Variants in SMAD9 observed in about 807,000 individuals in gnomAD.
The protein encoded by SMAD9 is SMAD family member 9, also known as MAD homolog 9.
Under a neutral mutation model 46.1 loss-of-function variants are expected in SMAD9, and 36 were observed. That is an observed-to-expected ratio of 0.78 (90% CI 0.60 to 1.03). The LOEUF (loss-of-function observed/expected upper bound fraction) is 1.03. Among genes scored for constraint, SMAD9 ranks in the 50% least tolerant of loss-of-function variants. The probability of loss-of-function intolerance (pLI) is 0.00; values close to 1 mark genes in which losing one functional copy is unlikely to be tolerated. For synonymous variants in SMAD9, 245 were observed against 237.1 expected (o/e 1.03, Z -0.31); for missense variants, 572 against 599.8 (o/e 0.95, Z 0.48).
chr13:36,896,258 G>A lies in SMAD9; in HGVS notation c.-186-16383C>T, dbSNP rs896387434. On this transcript the variant is annotated intron_variant, in intron 1 of 6. Transcript: ENST00000379826. ...AGCAGTCCTCCCACCTCAGCCTCCCGAGTAGCTAGGACTATAGGCACATGC... is the reference window on the plus strand; with the variant it reads ...AGCAGTCCTCCCACCTCAGCCTCCCAAGTAGCTAGGACTATAGGCACATGC... Among the ~76,000 whole-genome samples, 5 of 151,644 alleles carry A rather than the reference G, an allele frequency of 3.3e-5. No individual in the cohort carries two copies. In the South Asian group the frequency reaches 8.4e-4, roughly 25 times the overall value.
chr13:36,913,308 G>C (rs1415514369), intron 1 of SMAD9, among the ~76,000 whole-genome samples: 1 of 152,124 alleles, frequency 6.6e-6, no homozygotes, highest in Non-Finnish European at 1.5e-5. Flanking sequence ...CTGGAGACTA[G>C]GATTTTATTT....
In SMAD9 at chr13:36,872,904, C is replaced by G; in HGVS notation, c.424G>C (p.Val142Leu). 2.5e-6 allele frequency: 4 copies of G among 1,614,118 alleles called. No homozygotes were observed. In the South Asian group the frequency reaches 4.4e-5, roughly 18 times the overall value. ...RRVETPVLPP[V>L]LVPRHSEYNP... ...TATTCACTGTGTCTTGGCACGAGCA[C>G]AGGAGGCAGTACTAGGATCAGAAAG... The change falls in exon 3 of 7, where the codon GTG becomes CTG. Residue 142 changes from valine to leucine, a missense_variant. Coordinates refer to ENST00000379826, the MANE Select transcript of SMAD9 (RefSeq NM_001127217.3).
At chr13:36,902,619 A>G (rs1263786327) in intron 1 of SMAD9, among the ~76,000 whole-genome samples, 1 of 151,666 alleles carries the variant, frequency 6.6e-6, no homozygotes, top group Non-Finnish European at 1.5e-5. Context: ...ACGCCCATCT[A>G]ATTTTTTTTT....
intron 1 of SMAD9, among the ~76,000 whole-genome samples, chr13:36,908,208 A>T (rs1186200185): frequency 6.6e-6 from 1 of 152,214 alleles, no homozygotes; most frequent in Non-Finnish European, 1.5e-5. Context: ...TTTTAATGAG[A>T]TCTGTTTTCT....
intron 1 of SMAD9, among the ~76,000 whole-genome samples, chr13:36,912,733 C>T (rs1160004424): frequency 6.6e-6 from 1 of 152,196 alleles, no homozygotes; most frequent in East Asian, 1.9e-4. Context: ...TAAGGACTTA[C>T]TGAAAGAATC....
rs1416803009 is a variant in SMAD9 at position 36,846,333 on chromosome 13, T to C, written c.*2343A>G. 3 of 151,394 alleles carry C rather than the reference T, an allele frequency of 2.0e-5. No homozygotes were observed. Among genetic ancestry groups the C allele is most frequent in the African/African-American group, 7.3e-5 (3 of 41,206 alleles). The allele number at this position is 151,394 out of a possible 1,614,324, so 9.4% of individuals were successfully genotyped here. A position where few individuals can be genotyped will look rare whatever the true frequency, so the allele number is the denominator to read the frequency against. ...CCGTCTCTACTAAAAATATAAAAAT[T>C]AGCTGGGCGTGGTAGCCTGTAGTCC... is the stretch of plus-strand genomic sequence containing the variant. On this transcript the variant is annotated 3_prime_UTR_variant, in exon 7 of 7. Transcript: ENST00000379826.
rs983398705 is a variant in SMAD9, at chr13:36,862,006, G to A, written c.1003+3531C>T. 2.6e-5 allele frequency among the ~76,000 whole-genome samples: 4 copies of A among 151,842 alleles called. No individual in the cohort carries two copies. In the South Asian group the frequency reaches 6.3e-4, roughly 24 times the overall value. On this transcript the variant is annotated intron_variant, in intron 5 of 6. Transcript: ENST00000379826. ...AATAGAACAGCCAGGCAATCTTTTC[G>A]AAAGTGTAAAGTCAGATCATATTGT... is the stretch of plus-strand genomic sequence containing the variant.
intron 5 of SMAD9, among the ~76,000 whole-genome samples, chr13:36,860,034 G>A (rs1471327676): frequency 3.3e-5 from 5 of 151,648 alleles, no homozygotes; most frequent in Non-Finnish European, 5.9e-5. Context: ...TGGCTGCTTT[G>A]TCCATGGAGC....
At chr13:36,896,032 A>C (rs1307748811) in intron 1 of SMAD9, among the ~76,000 whole-genome samples, 1 of 152,162 alleles carries the variant, frequency 6.6e-6, no homozygotes, top group Non-Finnish European at 1.5e-5. Context: ...TAAAATGACA[A>C]ATGTAAAAGG....
intron 5 of SMAD9, among the ~76,000 whole-genome samples, chr13:36,861,390 C>T (rs2058180314): frequency 6.6e-6 from 1 of 151,964 alleles, no homozygotes; most frequent in South Asian, 2.1e-4. Flanking sequence ...TCTTGGCTCA[C>T]TGCAACCTCC....
chr13:36,910,435 A>G (rs1171298575), intron 1 of SMAD9, among the ~76,000 whole-genome samples: 1 of 152,072 alleles, frequency 6.6e-6, no homozygotes, highest in African/African-American at 2.4e-5. Context: ...AATGTACACC[A>G]CCAAGAGTGA....
intron 3 of SMAD9, among the ~76,000 whole-genome samples, chr13:36,870,647 C>T (rs2058283410): frequency 6.6e-6 from 1 of 152,182 alleles, no homozygotes; most frequent in Admixed American, 6.5e-5. Flanking sequence ...AGATACAGTC[C>T]GAGACCCCCA....
intron 5 of SMAD9, among the ~76,000 whole-genome samples, chr13:36,860,898 G>T (rs1239460981): frequency 6.6e-6 from 1 of 152,182 alleles, no homozygotes; most frequent in Admixed American, 6.5e-5. Flanking sequence ...ACACTGGAAT[G>T]AGATGTTCCA....
chr13:36,908,378 G>C (rs139903924), intron 1 of SMAD9, among the ~76,000 whole-genome samples: 19 of 152,254 alleles, frequency 1.2e-4, no homozygotes, highest in African/African-American at 4.3e-4. Context: ...ACAACTGTGA[G>C]CATTCTGAAA....
At chr13:36,853,106 G>A (rs2058088250) in intron 6 of SMAD9, among the ~76,000 whole-genome samples, 1 of 152,266 alleles carries the variant, frequency 6.6e-6, no homozygotes, top group Admixed American at 6.5e-5. Flanking sequence ...CCAATATGGT[G>A]AAACCCTGTC....
At chr13:36,865,796 C>A in intron 4 of SMAD9, 38 bp from the exon 5 acceptor site, 1 of 1,512,294 alleles carries the variant, frequency 6.6e-7, no homozygotes, top group South Asian at 1.1e-5. Context: ...TGGCTACTGT[C>A]ATACCTGGGC....
At chr13:36,893,389 CAT>C (rs538703517) in intron 1 of SMAD9, among the ~76,000 whole-genome samples, 9 of 146,214 alleles carry the variant, frequency 6.2e-5, no homozygotes, top group East Asian at 3.9e-4. Flanking sequence ...AACTATTGTA[CAT>C]ATATATATAT....
chr13:36,852,388 C>T, intron 6 of SMAD9: 1 of 985,146 alleles, frequency 1.0e-6, no homozygotes, highest in Non-Finnish European at 1.2e-6. Context: ...ATACTAGACT[C>T]ATTTGCGAGT....
rs79556785 is a variant in SMAD9, at chr13:36,898,457, A to G, written c.-186-18582T>C. ...ATGCAAAAATCTTATAAGATATTAGAAAAAAAAAGAAAACACAAATAGTAT... is the reference window on the plus strand; with the variant it reads ...ATGCAAAAATCTTATAAGATATTAGGAAAAAAAAGAAAACACAAATAGTAT... On this transcript the variant is annotated intron_variant, in intron 1 of 6. Coordinates refer to ENST00000379826, the MANE Select transcript of SMAD9 (RefSeq NM_001127217.3). Among the ~76,000 whole-genome samples, 530 of 151,490 alleles carry G rather than the reference A, an allele frequency of 3.5e-3. 6 individuals carry two copies. The highest frequency in any genetic ancestry group is 0.012 in the African/African-American group (513 of 41,274).
Sources: allele counts gnomAD v4.1 joint callset (sites outside exome capture counted in the v4.1 genomes callset), GRCh38; gene constraint gnomAD v4.1.1; transcripts MANE v1.5; gene names NCBI Gene and HGNC (gene_info 2026-07-23, HGNC 2026-07-21).